Variants in CHRNA2 observed in about 807,000 individuals in gnomAD.
CHRNA2 encodes cholinergic receptor nicotinic alpha 2 subunit.
CHRNA2 carries 40 observed loss-of-function variants against 45.5 expected under a neutral mutation model. The ratio of observed to expected loss-of-function variants is 0.88; its 90% CI spans 0.68 to 1.15. CHRNA2 has a LOEUF of 1.15. Ranked by LOEUF, CHRNA2 falls within the 50% of genes most tolerant of loss-of-function variation. The pLI is 0.00. For missense variants in CHRNA2, 655 were observed against 701.7 expected, an observed-to-expected ratio of 0.93 and a Z score of 0.75; for synonymous variants, 301 against 296.7, an observed-to-expected ratio of 1.01 and a Z score of -0.15.
At chr8:27,462,795 C>A (rs1345541525) in intron 6 of CHRNA2, among the ~76,000 whole-genome samples, 184 bp downstream of exon 6, 4 of 152,218 alleles carry the variant, frequency 2.6e-5, no homozygotes, top group Non-Finnish European at 5.9e-5. Flanking sequence ...TGCCAATAAA[C>A]GTCCTCAAAG....
chr8:27,468,236 A>T (rs1337354372), intron 4 of CHRNA2, among the ~76,000 whole-genome samples: 1 of 152,172 alleles, frequency 6.6e-6, no homozygotes, highest in Non-Finnish European at 1.5e-5. Context: ...AGCCCAGGTG[A>T]CCAGCCCATG....
intron 6 of CHRNA2, 146 bp from the exon 7 acceptor site, chr8:27,461,900 G>A (rs1812504742): frequency 1.8e-6 from 2 of 1,133,622 alleles, no homozygotes; most frequent in East Asian, 4.8e-5. Context: ...AGCACAGGGA[G>A]CGGGGTGAGT....
chr8:27,470,904 T>A, intron 2 of CHRNA2, 82 bp downstream of exon 2: 1 of 1,428,284 alleles, frequency 7.0e-7, no homozygotes, highest in Non-Finnish European at 9.8e-7. Flanking sequence ...TTGCAACACA[T>A]CCACCTGCAG....
Position 27,463,987 on chromosome 8 carries a change from A to G in CHRNA2, c.456T>C (p.Asp152=), listed in dbSNP as rs1460829589. 1.2e-6 allele frequency: 2 copies of G among 1,614,104 alleles called. No individual in the cohort carries two copies. Among genetic ancestry groups the G allele is most frequent in the Non-Finnish European group, 1.7e-6 (2 of 1,180,016 alleles). Residue 152 remains aspartate (D), a synonymous_variant, in exon 6 of 7, where the codon GAT becomes GAC. Transcript: ENST00000407991. This position sits in a 1 kb window ranked among gnomAD's most constrained non-coding sequence, Gnocchi z 6.1. ...IPDIVLYNNA[D]GEFAVTHMTK... is the part of the protein sequence containing the mutation. ...TCATGTGGGTCACTGCAAACTCCCC[A>G]TCTGCACTGAGAAGAGGAGAGGAGC...
intron 1 of CHRNA2, among the ~76,000 whole-genome samples, chr8:27,477,004 A>AG (rs1314185138): frequency 2.6e-5 from 4 of 152,298 alleles, no homozygotes; most frequent in African/African-American, 9.6e-5. Context: ...GTAAAAAAAA[A>AG]AAAAAACTGA....
intron 5 of CHRNA2, among the ~76,000 whole-genome samples, chr8:27,465,591 C>T (rs750191447): frequency 1.2e-4 from 18 of 152,104 alleles, no homozygotes; most frequent in African/African-American, 2.2e-4. Flanking sequence ...CCACCACACC[C>T]GGCTAATTTT....
chr8:27,471,858 C>T (rs971513185), intron 1 of CHRNA2, among the ~76,000 whole-genome samples: 10 of 152,164 alleles, frequency 6.6e-5, no homozygotes, highest in Non-Finnish European at 1.2e-4. Flanking sequence ...GGCTGGCAGC[C>T]CCTAGGCAGC....
chr8:27,475,736 C>A (rs1020933893), intron 1 of CHRNA2, among the ~76,000 whole-genome samples: 9 of 152,124 alleles, frequency 5.9e-5, no homozygotes, highest in African/African-American at 1.9e-4. Flanking sequence ...CAAAAATAGT[C>A]TTTTTAAAGG....
chr8:27,465,433 T>C (rs946254405), intron 5 of CHRNA2, among the ~76,000 whole-genome samples: 8 of 149,618 alleles, frequency 5.3e-5, no homozygotes, highest in African/African-American at 1.8e-4. Flanking sequence ...AGACAAAAGT[T>C]AAAAAAAATT....
Position 27,463,227 on chromosome 8 carries a change from T to C in CHRNA2, c.1216A>G (p.Ser406Gly). Residue 406 changes from serine (S) to glycine (G), a missense_variant, in exon 6 of 7, where the codon AGC (serine) becomes GGC (glycine). This residue lies in a region of CHRNA2 where 295 missense variants were observed against 280.4 expected (regional missense o/e 1.05). Coordinates refer to ENST00000407991, the MANE Select transcript of CHRNA2 (RefSeq NM_000742.4). The surrounding 1 kb of genome is among the most constrained non-coding windows in gnomAD (Gnocchi z 6.1). The part of the protein sequence containing the change: ...KLSPSYHWLE[S>G]NVDAEEREVV... ...TCCCTCTCCTCGGCATCCACGTTGC[T>C]CTCCAGCCAGTGATAAGAGGGGCTG... The C allele has an allele frequency of 6.3e-7, 1 of 1,591,664 alleles. No homozygotes were observed. Among genetic ancestry groups the C allele is most frequent in the Non-Finnish European group, 8.6e-7 (1 of 1,166,002 alleles).
intron 3 of CHRNA2, 189 bp downstream of exon 3, chr8:27,469,572 C>A (rs1321204176): frequency 2.2e-5 from 19 of 873,640 alleles, no homozygotes; most frequent in Non-Finnish European, 3.5e-5. Flanking sequence ...CAATCAATGC[C>A]CTCCTAGGAG....
intron 5 of CHRNA2, among the ~76,000 whole-genome samples, chr8:27,465,426 CAAAAGTTA>C (rs201870019): frequency 0.012 from 1,790 of 147,100 alleles, 39 homozygotes; most frequent in African/African-American, 0.046. Flanking sequence ...TACATTGAGA[CAAAAGTTA>C]AAAAAAATTT....
intron 1 of CHRNA2, among the ~76,000 whole-genome samples, chr8:27,476,413 G>A (rs890952154): frequency 6.6e-6 from 1 of 152,154 alleles, no homozygotes; most frequent in Non-Finnish European, 1.5e-5. Context: ...GCTTTTCCTC[G>A]AGTCTGAATC....
At chr8:27,461,831 A>G (rs1030920374) in intron 6 of CHRNA2, 77 bp from the exon 7 acceptor site, 1 of 1,604,678 alleles carries the variant, frequency 6.2e-7, no homozygotes, top group African/African-American at 1.3e-5. Context: ...CAGCCCCTGC[A>G]CAGGCGGCCA....
At chr8:27,464,698 C>T (rs1386999583) in intron 5 of CHRNA2, among the ~76,000 whole-genome samples, 2 of 144,648 alleles carry the variant, frequency 1.4e-5, no homozygotes, top group South Asian at 2.1e-4. Flanking sequence ...CTTAGGAGGG[C>T]GATCCCTTTC....
At chr8:27,477,122 T>G (rs977892147) in intron 1 of CHRNA2, 1 of 152,174 alleles carries the variant, frequency 6.6e-6, no homozygotes, top group Non-Finnish European at 1.5e-5. Flanking sequence ...TAACGTGGTG[T>G]TAACTAGGGG....
intron 4 of CHRNA2, 99 bp from the exon 5 acceptor site, chr8:27,467,437 C>T (rs1383909629): frequency 1.1e-6 from 1 of 915,334 alleles, no homozygotes; most frequent in East Asian, 2.6e-5. Context: ...GCCAAGCAGC[C>T]CCCTTGGAGC....
At chr8:27,470,174 A>C (rs1393440290) in intron 2 of CHRNA2, 193 bp from the exon 3 acceptor site, 1 of 655,906 alleles carries the variant, frequency 1.5e-6, no homozygotes, top group Non-Finnish European at 2.7e-6. Context: ...GTGATGTTAG[A>C]GAAGAAAAGA....
rs866429918 is a variant in CHRNA2, at chr8:27,461,280, C to T, written c.*349G>A. On this transcript the variant is annotated 3_prime_UTR_variant, in exon 7 of 7. Coordinates refer to ENST00000407991, the MANE Select transcript of CHRNA2 (RefSeq NM_000742.4). ...CCTTTGAGGTCTGCATTCCCTTCCT[C>T]GTCACCCTGGCCCCACTGTCCCCCT... 5 of 306,892 alleles carry T rather than the reference C, an allele frequency of 1.6e-5. No individual in the cohort carries two copies. Among genetic ancestry groups the T allele is most frequent in the East Asian group, 1.4e-4 (2 of 14,708 alleles). 19.0% of individuals were successfully genotyped at this position (306,892 alleles called of 1,614,324 possible). A position where few individuals can be genotyped will look rare whatever the true frequency, so the allele number is the denominator to read the frequency against.
Sources: allele counts gnomAD v4.1 joint callset (sites outside exome capture counted in the v4.1 genomes callset), GRCh38; gene constraint gnomAD v4.1.1; regional missense constraint gnomAD v4.1.1; non-coding constraint Gnocchi (gnomAD v3.1); transcripts MANE v1.5; gene names NCBI Gene and HGNC (gene_info 2026-07-23, HGNC 2026-07-21).